TMEM163: variants seen among roughly 807,000 people sequenced by gnomAD.
TMEM163 encodes transmembrane protein 163.
In TMEM163, 17 loss-of-function variants were observed where a neutral mutation model predicts 29.3. The observed-to-expected ratio is 0.58, with a 90% confidence interval of 0.40 to 0.87. The LOEUF is 0.87. Ranked by LOEUF, TMEM163 falls within the 40% of genes least tolerant of loss-of-function variation. The pLI is 0.00. For missense variants in TMEM163, 303 were observed against 381.5 expected (o/e 0.79, Z 1.71); for synonymous variants, 157 against 160.6 (o/e 0.98, Z 0.17).
Position 134,569,632 on chromosome 2 carries a change from G to A in TMEM163, c.323-17541C>T, listed in dbSNP as rs544140943. 1.4e-4 allele frequency among the ~76,000 whole-genome samples: 21 copies of A among 151,904 alleles called. No individual in the cohort carries two copies. In the South Asian group the frequency reaches 3.3e-3, roughly 24 times the overall value. On this transcript the variant is annotated intron_variant, in intron 2 of 7. Transcript: ENST00000281924. ...TATTACCCACCAAGAAAATAAGATC[G>A]TATTCTGTTTCAGTACTCAGAGACG...
intron 2 of TMEM163, among the ~76,000 whole-genome samples, chr2:134,692,018 C>G (rs2104884168): frequency 6.6e-6 from 1 of 152,168 alleles, no homozygotes; most frequent in South Asian, 2.1e-4. Flanking sequence ...CCAGGTGGGC[C>G]TTAAATGCCA....
chr2:134,708,173 C>T (rs1684858985), intron 2 of TMEM163, among the ~76,000 whole-genome samples: 1 of 152,176 alleles, frequency 6.6e-6, no homozygotes, highest in Admixed American at 6.5e-5. Context: ...AGGCATGAGC[C>T]ACCATGCCTG....
intron 5 of TMEM163, among the ~76,000 whole-genome samples, chr2:134,494,305 A>G (rs774815150): frequency 6.6e-6 from 1 of 152,204 alleles, no homozygotes; most frequent in Non-Finnish European, 1.5e-5. Flanking sequence ...TTCTCTGTGC[A>G]GTGCTGAGGA....
intron 3 of TMEM163, among the ~76,000 whole-genome samples, chr2:134,551,423 T>C (rs1226930903): frequency 2.0e-5 from 3 of 152,186 alleles, no homozygotes; most frequent in Non-Finnish European, 4.4e-5. Context: ...TACCGACCCT[T>C]GGGTACAGGA....
intron 2 of TMEM163, among the ~76,000 whole-genome samples, chr2:134,558,645 G>C (rs901990516): frequency 6.6e-6 from 1 of 152,176 alleles, no homozygotes; most frequent in Non-Finnish European, 1.5e-5. Context: ...AATGCACAAA[G>C]AGGTAAGGAT....
chr2:134,465,198 A>AAAAAAC (rs1430628116), intron 6 of TMEM163, among the ~76,000 whole-genome samples: 79 of 144,288 alleles, frequency 5.5e-4, no homozygotes, highest in South Asian at 1.1e-3. Context: ...TTAAAAAAAA[A>AAAAAAC]AAAAACAAAA....
intron 5 of TMEM163, among the ~76,000 whole-genome samples, chr2:134,496,063 TA>T (rs1177904691): frequency 7.3e-6 from 1 of 136,374 alleles, no homozygotes; most frequent in African/African-American, 2.9e-5. Flanking sequence ...AAGGCTTAAC[TA>T]TTTTTTTTTT....
At chr2:134,556,065 G>A (rs959612799) in intron 2 of TMEM163, among the ~76,000 whole-genome samples, 2 of 152,196 alleles carry the variant, frequency 1.3e-5, no homozygotes, top group Non-Finnish European at 2.9e-5. Flanking sequence ...GAGATAGGAG[G>A]CTGAATACAG....
intron 2 of TMEM163, among the ~76,000 whole-genome samples, chr2:134,665,135 T>A (rs1269629134): frequency 2.0e-5 from 3 of 152,024 alleles, no homozygotes; most frequent in Non-Finnish European, 4.4e-5. Context: ...TGTTTGGGGG[T>A]CCACACTTTG....
At chr2:134,612,750 G>A (rs1000942012) in intron 2 of TMEM163, among the ~76,000 whole-genome samples, 1 of 152,156 alleles carries the variant, frequency 6.6e-6, no homozygotes, top group Non-Finnish European at 1.5e-5. Context: ...AGAACTAGCA[G>A]CCAAAACAAA....
chr2:134,683,831 A>G (rs889932471), intron 2 of TMEM163, among the ~76,000 whole-genome samples: 8 of 151,504 alleles, frequency 5.3e-5, no homozygotes, highest in Non-Finnish European at 1.0e-4. Context: ...AATTCCCTGA[A>G]CTTGACACGT....
intron 2 of TMEM163, among the ~76,000 whole-genome samples, chr2:134,690,161 C>T (rs1477788833): frequency 1.3e-5 from 2 of 152,080 alleles, no homozygotes; most frequent in African/African-American, 4.8e-5. Flanking sequence ...CAACTCCTGA[C>T]CTCAAGTGAT....
At chr2:134,470,925 G>A (rs1265136892) in intron 5 of TMEM163, among the ~76,000 whole-genome samples, 1 of 152,246 alleles carries the variant, frequency 6.6e-6, no homozygotes, top group Non-Finnish European at 1.5e-5. Flanking sequence ...GAATCCCAGT[G>A]CTTTGAGAGG....
chr2:134,542,052 C>T (rs1680686480), intron 4 of TMEM163, among the ~76,000 whole-genome samples: 1 of 152,184 alleles, frequency 6.6e-6, no homozygotes, highest in South Asian at 2.1e-4. Flanking sequence ...GTTGCTAAGT[C>T]AAAAGCAACT....
intron 4 of TMEM163, among the ~76,000 whole-genome samples, chr2:134,543,767 G>A (rs973343214): frequency 1.3e-5 from 2 of 152,190 alleles, no homozygotes; most frequent in Non-Finnish European, 2.9e-5. Context: ...GGAAAAGAAC[G>A]CACAGCAAGC....
At chr2:134,669,279 C>G (rs1683940333) in intron 2 of TMEM163, among the ~76,000 whole-genome samples, 1 of 152,224 alleles carries the variant, frequency 6.6e-6, no homozygotes, top group South Asian at 2.1e-4. Flanking sequence ...CACGAGGTCC[C>G]TTCCTCGGTC....
At chr2:134,642,104 A>G (rs1184766955) in intron 2 of TMEM163, among the ~76,000 whole-genome samples, 1 of 152,060 alleles carries the variant, frequency 6.6e-6, no homozygotes. Flanking sequence ...AAGGAAAAAG[A>G]TTGGTTATTA....
chr2:134,664,781 C>T (rs951623335), intron 2 of TMEM163, among the ~76,000 whole-genome samples: 1 of 152,214 alleles, frequency 6.6e-6, no homozygotes, highest in Non-Finnish European at 1.5e-5. Flanking sequence ...GGAACAAACC[C>T]TGCTGCCATC....
intron 2 of TMEM163, among the ~76,000 whole-genome samples, chr2:134,705,262 A>C (rs1684785314): frequency 6.6e-6 from 1 of 151,992 alleles, no homozygotes; most frequent in African/African-American, 2.4e-5. Flanking sequence ...TACCCCAAAA[A>C]TGCAGTTGTA....
Sources: allele counts gnomAD v4.1 joint callset (sites outside exome capture counted in the v4.1 genomes callset), GRCh38; gene constraint gnomAD v4.1.1; transcripts MANE v1.5; gene names NCBI Gene and HGNC (gene_info 2026-07-23, HGNC 2026-07-21).